DMD: variants seen among roughly 807,000 people sequenced by gnomAD.
DMD encodes the protein mutant dystrophin.
DMD carries 63 observed loss-of-function variants against 330.1 expected under a neutral mutation model. The observed-to-expected ratio is 0.19, with a 90% CI of 0.16 to 0.24. DMD has a LOEUF of 0.24. Among genes scored for constraint, DMD ranks in the 10% least tolerant of loss-of-function variants. The probability of loss-of-function intolerance (pLI) is 1.00; values close to 1 mark genes in which losing one functional copy is unlikely to be tolerated. For synonymous variants in DMD, 1,223 were observed against 959.8 expected, an observed-to-expected ratio of 1.27 and a Z score of -5.07; for missense variants, 3,344 against 2,684.1, an observed-to-expected ratio of 1.25 and a Z score of -5.43.
At chrX:33,285,517 T>C (rs2053418728) in intron 1 of DMD, among the ~76,000 whole-genome samples, 2 of 112,061 alleles carry the variant, frequency 1.8e-5, no homozygotes, top group Non-Finnish European at 3.8e-5. Context: ...TCTGTCAAAA[T>C]AATGTGGAAC....
In DMD at chrX:33,035,117, C is replaced by G. The variant is rs758571992; in HGVS notation, c.32-14917G>C. On this transcript the variant is annotated intron_variant, in intron 1 of 78. Coordinates refer to ENST00000357033, the MANE Select transcript of DMD (RefSeq NM_004006.3). ...GAAAAATATAGACATTATTCTGGCTCTTATGGATATTAATGATCTCTGTTT... is the reference window on the plus strand; with the variant it reads ...GAAAAATATAGACATTATTCTGGCTGTTATGGATATTAATGATCTCTGTTT... 4.5e-5 allele frequency among the ~76,000 whole-genome samples: 5 copies of G among 111,999 alleles called. No homozygotes were observed. In the East Asian group the frequency reaches 1.4e-3, roughly 31 times the overall value.
At position 31,688,468 on chromosome X, in the gene DMD, C is replaced by T. The variant is rs2082854548; in HGVS notation, c.7661-8882G>A. On this transcript the variant is annotated intron_variant, in intron 52 of 78. Transcript: ENST00000357033. ...CCAATAACAGGCTCTGAAATTGAGG[C>T]AATAATTAATAGCCTACAAACCAAA... Among the ~76,000 whole-genome samples the T allele has an allele frequency of 2.7e-5, 3 of 111,463 alleles. No individual in the cohort carries two copies. The South Asian group carries it at 1.1e-3, about 42-fold the overall frequency.
chrX:31,807,810 CTTCA>C lies in DMD; in HGVS notation c.7309+12161_7309+12164del, dbSNP rs1173325169. 5.4e-5 allele frequency among the ~76,000 whole-genome samples: 6 copies of C among 111,616 alleles called. 1 individual carries two copies. Among genetic ancestry groups the C allele is most frequent in the African/African-American group, 1.9e-4 (6 of 30,787 alleles). On this transcript the variant is annotated intron_variant, in intron 50 of 78. Coordinates refer to ENST00000357033, the MANE Select transcript of DMD (RefSeq NM_004006.3). The stretch of plus-strand genomic sequence containing the variant: ...GAATTGGTCCTAGAGTATATGGAGT[CTTCA>C]TTCATAGACTGCATGACCAAGATTC...
At chrX:32,689,795 A>G (rs1342428517) in intron 9 of DMD, among the ~76,000 whole-genome samples, 1 of 111,442 alleles carries the variant, frequency 9.0e-6, no homozygotes. Context: ...ATAAGAAGTC[A>G]CATGTTCATT....
chrX:32,673,219 G>C (rs1385835006), intron 9 of DMD, among the ~76,000 whole-genome samples: 1 of 110,722 alleles, frequency 9.0e-6, no homozygotes, highest in East Asian at 2.8e-4. Context: ...GAGAAGACAA[G>C]GATGATAAAC....
intron 44 of DMD, among the ~76,000 whole-genome samples, chrX:32,121,755 G>GTA (rs1328378458): frequency 9.9e-6 from 1 of 101,327 alleles, no homozygotes; most frequent in African/African-American, 3.6e-5. Flanking sequence ...GTGTGTGTGT[G>GTA]TATACACACA....
intron 1 of DMD, among the ~76,000 whole-genome samples, chrX:33,057,374 A>G (rs1603144729): frequency 8.9e-6 from 1 of 112,202 alleles, no homozygotes; most frequent in Admixed American, 9.5e-5. Flanking sequence ...GTTCTGTTTT[A>G]TAATTTGAAT....
chrX:32,699,933 C>A (rs776756787), intron 7 of DMD, among the ~76,000 whole-genome samples: 4 of 111,925 alleles, frequency 3.6e-5, no homozygotes, highest in African/African-American at 9.7e-5. Context: ...CCTTCTCAGA[C>A]ATTAGAGACA....
At chrX:32,140,004 T>A (rs1271960543) in intron 44 of DMD, among the ~76,000 whole-genome samples, 1 of 112,279 alleles carries the variant, frequency 8.9e-6, no homozygotes, top group African/African-American at 3.2e-5. Context: ...GAAGAAGGTG[T>A]GAATGACTTT....
At chrX:32,008,309 CT>C (rs1223074933) in intron 44 of DMD, among the ~76,000 whole-genome samples, 1 of 111,743 alleles carries the variant, frequency 8.9e-6, no homozygotes, top group Non-Finnish European at 1.9e-5. Context: ...AATTGTGGAG[CT>C]TTGAAGAGAA....
Position 31,299,730 on chromosome X carries a change from C to T in DMD, c.9224+23868G>A, listed in dbSNP as rs767649155. 3.7e-4 allele frequency among the ~76,000 whole-genome samples: 36 copies of T among 97,225 alleles called. 1 individual carries two copies. In the South Asian group the frequency reaches 6.5e-3, roughly 17 times the overall value. 84.4% of individuals were successfully genotyped at this position (97,225 alleles called of 115,157 possible). A position where few individuals can be genotyped will look rare whatever the true frequency, so the allele number is the denominator to read the frequency against. ...GGTGGAGGTTGCAGTGAGCCGAGATCGCACCACTGCACTCCAGCCTGGTGA... is the reference window on the plus strand; with the variant it reads ...GGTGGAGGTTGCAGTGAGCCGAGATTGCACCACTGCACTCCAGCCTGGTGA... On this transcript the variant is annotated intron_variant, in intron 62 of 78. Transcript: ENST00000357033.
At chrX:31,813,572 T>C (rs752381919) in intron 50 of DMD, among the ~76,000 whole-genome samples, 34 of 112,543 alleles carry the variant, frequency 3.0e-4, no homozygotes, top group African/African-American at 1.1e-3. Flanking sequence ...TCTCCAGCCA[T>C]GTGGAACTGT....
chrX:32,618,227 G>A lies in DMD; in HGVS notation c.1332-3774C>T, dbSNP rs140861154. ...AGACACATGCACACATATGTTCGTG[G>A]CAGCACTATTCACAATCACAAAGAC... is the stretch of plus-strand genomic sequence containing the variant. On this transcript the variant is annotated intron_variant, in intron 11 of 78. Transcript: ENST00000357033. 2.8e-3 allele frequency among the ~76,000 whole-genome samples: 316 copies of A among 112,167 alleles called. 3 individuals are homozygous for A. The highest frequency in any genetic ancestry group is 9.4e-3 in the African/African-American group (292 of 30,939).
chrX:32,406,783 A>G (rs1206769786), intron 30 of DMD, among the ~76,000 whole-genome samples: 1 of 111,480 alleles, frequency 9.0e-6, no homozygotes, highest in Non-Finnish European at 1.9e-5. Context: ...AGAGATATAG[A>G]TCAATGGAAC....
At chrX:32,059,300 C>T (rs1049906514) in intron 44 of DMD, among the ~76,000 whole-genome samples, 1 of 111,002 alleles carries the variant, frequency 9.0e-6, no homozygotes, top group African/African-American at 3.3e-5. Flanking sequence ...ACATACAATT[C>T]TTTGTTAATG....
At chrX:32,875,571 A>G in intron 2 of DMD, among the ~76,000 whole-genome samples, 1 of 112,401 alleles carries the variant, frequency 8.9e-6, no homozygotes, top group Admixed American at 9.5e-5. Context: ...ACTATTGGAT[A>G]AGTGAATTAG....
chrX:33,122,484 A>G (rs2095431191), intron 1 of DMD, among the ~76,000 whole-genome samples: 1 of 112,135 alleles, frequency 8.9e-6, no homozygotes, highest in African/African-American at 3.2e-5. Flanking sequence ...TGTGGTAGAA[A>G]TCATTGATGC....
intron 2 of DMD, among the ~76,000 whole-genome samples, chrX:32,972,009 C>A (rs1289952849): frequency 9.0e-6 from 1 of 111,248 alleles, no homozygotes; most frequent in African/African-American, 3.3e-5. Context: ...ATAGGGAAAT[C>A]TGACAGCAAA....
At chrX:32,604,810 C>CAAA (rs145750291) in intron 12 of DMD, among the ~76,000 whole-genome samples, 5,731 of 96,213 alleles carry the variant, frequency 0.06, 178 homozygotes, top group Middle Eastern at 0.08. Context: ...ACAACAACTA[C>CAAA]AAAAAAAAAA....
Sources: allele counts gnomAD v4.1 joint callset (sites outside exome capture counted in the v4.1 genomes callset), GRCh38; gene constraint gnomAD v4.1.1; transcripts MANE v1.5; gene names NCBI Gene and HGNC (gene_info 2026-07-23, HGNC 2026-07-21).